The following LRMDA variants were observed in gnomAD, a reference collection of about 807,000 sequenced individuals.
LRMDA encodes the protein leucine-rich melanocyte differentiation-associated protein.
Under a neutral mutation model 29.8 loss-of-function variants are expected in LRMDA, and 18 were observed. The observed-to-expected ratio is 0.60, with a 90% CI of 0.42 to 0.90. LRMDA has a LOEUF of 0.90. LRMDA is among the 40% of genes least tolerant of loss of function. The pLI, the probability that LRMDA is intolerant of heterozygous loss-of-function variation, is 0.00. For missense variants in LRMDA, 273 were observed against 273.9 expected (o/e 1.00, Z 0.02); for synonymous variants, 125 against 109.4 (o/e 1.14, Z -0.89).
At chr10:75,567,597 C>A (rs1230415298) in intron 2 of LRMDA, among the ~76,000 whole-genome samples, 1 of 152,168 alleles carries the variant, frequency 6.6e-6, no homozygotes, top group Non-Finnish European at 1.5e-5. Flanking sequence ...TTTTGCCAAA[C>A]AACTCTATCA....
At chr10:75,494,563 G>A (rs892327078) in intron 2 of LRMDA, among the ~76,000 whole-genome samples, 6 of 137,376 alleles carry the variant, frequency 4.4e-5, no homozygotes, top group Admixed American at 7.9e-5. Flanking sequence ...GTACAGTGGT[G>A]TGATCTCACT....
At chr10:76,026,249 C>T (rs780029036) in intron 2 of LRMDA, among the ~76,000 whole-genome samples, 1 of 152,154 alleles carries the variant, frequency 6.6e-6, no homozygotes. Flanking sequence ...AAGGATGTGG[C>T]GATGGTGAAT....
At chr10:75,621,912 A>T (rs534376366) in intron 2 of LRMDA, among the ~76,000 whole-genome samples, 2 of 152,258 alleles carry the variant, frequency 1.3e-5, no homozygotes, top group East Asian at 3.9e-4. Flanking sequence ...TTCTGAGCAG[A>T]TTGAGTGTTA....
At chr10:76,141,837 T>G (rs1850206981) in intron 5 of LRMDA, among the ~76,000 whole-genome samples, 1 of 152,106 alleles carries the variant, frequency 6.6e-6, no homozygotes, top group Admixed American at 6.6e-5. Flanking sequence ...ATCATCAACT[T>G]GACTTCAACA....
rs11818974 is a variant in LRMDA at position 75,522,106 on chromosome 10, C to T, written c.131+83612C>T. ...GAGTAATAAAAAGTGATTGCTAATC[C>T]GTGTACAGCACCCCTCTTGAAGCAG... is the stretch of plus-strand genomic sequence containing the variant. On this transcript the variant is annotated intron_variant, in intron 2 of 6. Coordinates refer to ENST00000611255, the MANE Select transcript of LRMDA (RefSeq NM_001305581.2). Among the ~76,000 whole-genome samples the T allele has an allele frequency of 8.5e-3, 1,298 of 152,292 alleles. 18 individuals are homozygous for T. Among genetic ancestry groups the T allele is most frequent in the African/African-American group, 0.028 (1,174 of 41,554 alleles).
chr10:76,106,836 C>T (rs943119123), intron 5 of LRMDA, among the ~76,000 whole-genome samples: 19 of 152,190 alleles, frequency 1.2e-4, no homozygotes, highest in African/African-American at 4.6e-4. Context: ...CAGAAGGTGC[C>T]ATTAGCAGAA....
chr10:76,018,316 C>T (rs1431249101), intron 2 of LRMDA, among the ~76,000 whole-genome samples: 1 of 152,144 alleles, frequency 6.6e-6, no homozygotes, highest in African/African-American at 2.4e-5. Context: ...GCTAACAGCA[C>T]CACCCAGTCA....
At chr10:76,200,718 T>TTC (rs1564683136) in intron 5 of LRMDA, among the ~76,000 whole-genome samples, 1 of 151,472 alleles carries the variant, frequency 6.6e-6, no homozygotes, top group African/African-American at 2.4e-5. Context: ...CTTTTTCTTT[T>TTC]TTTTTTTTTT....
At chr10:76,462,422 G>T (rs1288750404) in intron 6 of LRMDA, among the ~76,000 whole-genome samples, 1 of 152,156 alleles carries the variant, frequency 6.6e-6, no homozygotes, top group South Asian at 2.1e-4. Flanking sequence ...AATCCCCATA[G>T]AAAAGATTTA....
chr10:75,848,922 A>G (rs1564585428), intron 2 of LRMDA, among the ~76,000 whole-genome samples: 1 of 152,146 alleles, frequency 6.6e-6, no homozygotes, highest in East Asian at 1.9e-4. Context: ...CTGTGGGGGC[A>G]GTTCCCAAGC....
intron 5 of LRMDA, among the ~76,000 whole-genome samples, chr10:76,226,406 A>G: frequency 6.6e-6 from 1 of 151,736 alleles, no homozygotes; most frequent in East Asian, 1.9e-4. Context: ...AACACAGTGA[A>G]ACTCCGTCTC....
chr10:75,941,889 CTAGGCTCCTTGT>C, intron 2 of LRMDA, among the ~76,000 whole-genome samples: 1 of 152,276 alleles, frequency 6.6e-6, no homozygotes, highest in East Asian at 1.9e-4. Flanking sequence ...CCAACTCCTT[CTAGGCTCCTTGT>C]TCATGTCCTA....
intron 2 of LRMDA, among the ~76,000 whole-genome samples, chr10:75,710,539 G>T (rs1013691898): frequency 6.6e-6 from 1 of 152,218 alleles, no homozygotes; most frequent in Non-Finnish European, 1.5e-5. Flanking sequence ...TTTTGTTGCT[G>T]TCTAATTAGA....
intron 2 of LRMDA, among the ~76,000 whole-genome samples, chr10:75,521,854 T>C (rs1055632074): frequency 6.6e-6 from 1 of 152,230 alleles, no homozygotes; most frequent in African/African-American, 2.4e-5. Flanking sequence ...TGTTATGTTA[T>C]ATTAATTTTA....
At chr10:75,808,759 C>T (rs556524271) in intron 2 of LRMDA, among the ~76,000 whole-genome samples, 25 of 152,266 alleles carry the variant, frequency 1.6e-4, no homozygotes, top group Non-Finnish European at 2.9e-4. Context: ...CCGCCCACCT[C>T]GGCCTCCCAA....
chr10:75,565,664 A>G (rs1405537828), intron 2 of LRMDA, among the ~76,000 whole-genome samples: 1 of 152,220 alleles, frequency 6.6e-6, no homozygotes, highest in Non-Finnish European at 1.5e-5. Context: ...ATATTTTACT[A>G]GCCAATAAAT....
chr10:76,127,017 A>G (rs536422143), intron 5 of LRMDA, among the ~76,000 whole-genome samples: 206 of 152,300 alleles, frequency 1.4e-3, no homozygotes, highest in African/African-American at 4.8e-3. Flanking sequence ...ACTTGCTCAT[A>G]AAGCCAACCA....
At chr10:76,258,011 A>G (rs1839888408) in intron 5 of LRMDA, among the ~76,000 whole-genome samples, 1 of 152,208 alleles carries the variant, frequency 6.6e-6, no homozygotes, top group Admixed American at 6.5e-5. Context: ...CCTTTTAGGC[A>G]TTTCCTTGTA....
intron 2 of LRMDA, among the ~76,000 whole-genome samples, chr10:75,822,044 T>A (rs1844171060): frequency 6.6e-6 from 1 of 152,140 alleles, no homozygotes; most frequent in Admixed American, 6.5e-5. Context: ...TCAAATTATC[T>A]CTGTTCACTG....
Sources: gnomAD v4.1 joint callset for allele counts (sites outside exome capture counted in the v4.1 genomes callset) on GRCh38, gnomAD v4.1.1 for gene constraint, MANE v1.5 for transcripts, NCBI Gene and HGNC (gene_info 2026-07-23, HGNC 2026-07-21) for gene names.